The following MRAP variants were observed in gnomAD, a reference collection of about 807,000 sequenced individuals.
The protein encoded by MRAP is melanocortin 2 receptor accessory protein.
A neutral mutation model predicts 8.7 loss-of-function variants in MRAP; 8 were observed. That is an observed-to-expected ratio of 0.92 (90% CI 0.54 to 1.66). The LOEUF is 1.66. Ranked by LOEUF, MRAP falls within the 40% of genes most tolerant of loss-of-function variation. MRAP has a pLI of 0.00. For synonymous variants in MRAP, 95 were observed against 95.5 expected (o/e 1.00, Z 0.03); for missense variants, 237 against 217.1 (o/e 1.09, Z -0.58).
At chr21:32,311,387 G>T in intron 2 of MRAP, 2 of 473,546 alleles carry the variant, frequency 4.2e-6, no homozygotes, top group Non-Finnish European at 7.6e-6. Context: ...CGCTGGATGG[G>T]AGGTCAACCT....
chr21:32,306,055 G>C (rs547164838), intron 1 of MRAP, among the ~76,000 whole-genome samples: 1 of 152,274 alleles, frequency 6.6e-6, no homozygotes, highest in South Asian at 2.1e-4. Flanking sequence ...CTTCCTGCCT[G>C]AGAGAGGGAC....
chr21:32,292,180 G>C (rs777828702), intron 1 of MRAP, among the ~76,000 whole-genome samples: 1 of 152,014 alleles, frequency 6.6e-6, no homozygotes, highest in Non-Finnish European at 1.5e-5. Context: ...GAGATACATA[G>C]AGAAATATTT....
upstream of MRAP, among the ~76,000 whole-genome samples, chr21:32,297,678 C>A (rs556065573): frequency 2.2e-4 from 34 of 152,298 alleles, no homozygotes; most frequent in African/African-American, 7.7e-4. Flanking sequence ...GGACACCCAG[C>A]GAGTGTCTAC....
chr21:32,311,402 C>A, intron 2 of MRAP: 1 of 438,916 alleles, frequency 2.3e-6, no homozygotes, highest in Non-Finnish European at 4.1e-6. Flanking sequence ...CAACCTGCTC[C>A]CCTCCACCCC....
At chr21:32,306,948 C>T (rs2032435503) in intron 2 of MRAP, 1 of 625,254 alleles carries the variant, frequency 1.6e-6, no homozygotes, top group Non-Finnish European at 2.9e-6. Context: ...AGCCTCATGT[C>T]AGTGCTCAGT....
chr21:32,303,447 A>G (rs1199331316), intron 1 of MRAP, among the ~76,000 whole-genome samples: 1 of 152,252 alleles, frequency 6.6e-6, no homozygotes. Context: ...AATCCTCCCA[A>G]GATGAAGTGC....
intron 1 of MRAP, among the ~76,000 whole-genome samples, chr21:32,300,950 A>G (rs2032279274): frequency 6.7e-6 from 1 of 149,046 alleles, no homozygotes; most frequent in African/African-American, 2.6e-5. Flanking sequence ...CATATCAATG[A>G]TATATCATGA....
rs2032589499 is a variant in MRAP, at chr21:32,311,948, G to A, written c.471G>A (p.Lys157=). 1 of 1,613,528 alleles carries A rather than the reference G, an allele frequency of 6.2e-7. No homozygotes were observed. Among genetic ancestry groups the A allele is most frequent in the South Asian group, 1.1e-5 (1 of 91,080 alleles). Residue 157 remains lysine, a synonymous_variant, in exon 3 of 3, where the codon AAG becomes AAA. Coordinates refer to ENST00000303645, the MANE Select transcript of MRAP (RefSeq NM_001379228.1). Reference sequence around the variant, plus strand: ...ATGGGGGTCCCCTCGTCAGGAGCAAGCCCAGCGAGCCTCCCCCTGGAGACA... The same window carrying A: ...ATGGGGGTCCCCTCGTCAGGAGCAAACCCAGCGAGCCTCCCCCTGGAGACA... ...TLNGGPLVRS[K]PSEPPPGDRT...
At chr21:32,310,539 G>A (rs934988458) in intron 2 of MRAP, among the ~76,000 whole-genome samples, 15 of 152,206 alleles carry the variant, frequency 9.9e-5, no homozygotes, top group African/African-American at 3.1e-4. Flanking sequence ...TATGGATGAC[G>A]TTAAAGGCAG....
At chr21:32,300,673 G>GGGGCGTCATTCGTCCTATGTCA (rs1569026325) in intron 1 of MRAP, among the ~76,000 whole-genome samples, 17 of 14,246 alleles carry the variant, frequency 1.2e-3, no homozygotes, top group African/African-American at 3.0e-3. Flanking sequence ...GTCCTATGTC[G>GGGGCGTCATTCGTCCTATGTCA]GATGTGTCAC....
chr21:32,304,493 T>TA (rs1357926977), intron 1 of MRAP, among the ~76,000 whole-genome samples: 1 of 152,042 alleles, frequency 6.6e-6, no homozygotes, highest in Non-Finnish European at 1.5e-5. Flanking sequence ...TGGGCACCTG[T>TA]AATCCCAGCT....
rs375087752 is a variant in MRAP at position 32,298,982 on chromosome 21, G to A, written c.11G>A (p.Gly4Glu). ...CCCAGTGCCACAGACATGGCCAACG[G>A]GACCAACGCCTCTGCCCCATACTAC... is the stretch of plus-strand genomic sequence containing the variant. MAN[G>E]TNASAPYYSY... Residue 4 changes from glycine (G) to glutamate (E), a missense_variant, in exon 1 of 3, where the codon GGG becomes GAG. By Grantham distance (98) the Gly-to-Glu change is moderately conservative (BLOSUM62 -2). Transcript: ENST00000303645. 6.8e-6 allele frequency: 11 copies of A among 1,613,816 alleles called. No individual in the cohort carries two copies. The African/African-American group carries it at 1.5e-4, about 22-fold the overall frequency.
intron 1 of MRAP, among the ~76,000 whole-genome samples, chr21:32,300,709 G>C (rs369122843): frequency 0.014 from 321 of 22,246 alleles, 2 homozygotes; most frequent in East Asian, 0.068. Flanking sequence ...GGCGTCATGC[G>C]TCCTATGTCG....
chr21:32,297,386 T>C (rs777169749), upstream of MRAP, among the ~76,000 whole-genome samples: 10 of 152,186 alleles, frequency 6.6e-5, no homozygotes, highest in Non-Finnish European at 1.0e-4. Flanking sequence ...CTAGATGGCA[T>C]AGCACATGAT....
rs781283014 is a variant in MRAP, at chr21:32,306,653, C to T, written c.120C>T (p.Ile40=). The T allele has an allele frequency of 2.5e-6, 4 of 1,614,076 alleles. No homozygotes were observed. Among genetic ancestry groups the T allele is most frequent in the Middle Eastern group, 1.6e-4 (1 of 6,062 alleles). Residue 40 remains isoleucine (I), a synonymous_variant, in exon 2 of 3, where the codon ATC becomes ATT. Transcript: ENST00000303645. ...CTCCTCCCGCAGATTCCATCGTGAT[C>T]GCATTCTGGGTGAGCCTGGCTGCCT... ...KLKAHKHSIV[I]AFWVSLAAFV...
chr21:32,308,227 A>T (rs1211595570), intron 2 of MRAP, among the ~76,000 whole-genome samples: 1 of 151,968 alleles, frequency 6.6e-6, no homozygotes, highest in Non-Finnish European at 1.5e-5. Flanking sequence ...ATTTTTAAAA[A>T]ATCAGCCAGG....
rs1020937788 is a variant in MRAP, at chr21:32,311,859, T to G, written c.382T>G (p.Ser128Ala). Reference protein sequence around the residue: ...GPDQPLRQESSSTLPLGGFQT... With the variant: ...GPDQPLRQESASTLPLGGFQT... Reference sequence around the variant, plus strand: ...TGACCAGCCGCTACGACAGGAGAGCTCCTCCACCTTGCCCCTCGGGGGTTT... The same window carrying G: ...TGACCAGCCGCTACGACAGGAGAGCGCCTCCACCTTGCCCCTCGGGGGTTT... The change falls in exon 3 of 3, where the codon TCC becomes GCC. Residue 128 changes from serine to alanine, a missense_variant. Coordinates refer to ENST00000303645, the MANE Select transcript of MRAP (RefSeq NM_001379228.1). The G allele has an allele frequency of 5.0e-6, 8 of 1,614,026 alleles. No homozygotes were observed. Among genetic ancestry groups the G allele is most frequent in the Non-Finnish European group, 6.8e-6 (8 of 1,180,022 alleles).
intron 1 of MRAP, among the ~76,000 whole-genome samples, chr21:32,299,478 G>A (rs2032208415): frequency 6.6e-6 from 1 of 152,080 alleles, no homozygotes; most frequent in Non-Finnish European, 1.5e-5. Flanking sequence ...GAGACTATGG[G>A]CACATGCTAC....
upstream of MRAP, chr21:32,298,751 G>A (rs533237804): frequency 1.2e-4 from 61 of 510,428 alleles, 1 homozygote; most frequent in African/African-American, 1.0e-3. Flanking sequence ...AGAAGGGGCA[G>A]ATGGGAAGCT....
Sources: gnomAD v4.1 joint callset for allele counts (sites outside exome capture counted in the v4.1 genomes callset) on GRCh38, gnomAD v4.1.1 for gene constraint, MANE v1.5 for transcripts, NCBI Gene and HGNC (gene_info 2026-07-23, HGNC 2026-07-21) for gene names.